Variants in ALKBH3 observed in about 807,000 individuals in gnomAD.
The protein encoded by ALKBH3 is alkB homolog 3, alpha-ketoglutarate dependent dioxygenase.
In ALKBH3, 51 loss-of-function variants were observed where a neutral mutation model predicts 43.9. That is an observed-to-expected ratio of 1.16 (90% CI 0.93 to 1.47). ALKBH3 has a LOEUF of 1.47. ALKBH3 is among the 40% of genes most tolerant of loss of function. The pLI, the probability that ALKBH3 is intolerant of heterozygous loss-of-function variation, is 0.00. For synonymous variants in ALKBH3, 102 were observed against 115.2 expected (o/e 0.89, Z 0.73); for missense variants, 361 against 351.9 (o/e 1.03, Z -0.21).
Position 43,882,610 on chromosome 11 carries a change from C to G in ALKBH3, c.-43C>G. ...ACCATGGAGTAGTTTGAAACAGGAA[C>G]AAAATCTTCTGAAAGCTCGGAGCAG... On this transcript the variant is annotated 5_prime_UTR_variant, in exon 2 of 10. Coordinates refer to ENST00000302708, the MANE Select transcript of ALKBH3 (RefSeq NM_139178.4). 8 of 1,578,342 alleles carry G rather than the reference C, an allele frequency of 5.1e-6. No homozygotes were observed. The highest frequency in any genetic ancestry group is 6.9e-6 in the Non-Finnish European group (8 of 1,163,572).
rs1951758569 is a variant in ALKBH3 at position 43,888,074 on chromosome 11, G to C, written c.266+1421G>C. On this transcript the variant is annotated intron_variant, in intron 5 of 9. Transcript: ENST00000302708. ...GGCCTCCCAAAGTGCTGGGATTACA[G>C]GCATGAGCCACTGCGCCTGGCAGTC... Among the ~76,000 whole-genome samples, 2 of 94,568 alleles carry C rather than the reference G, an allele frequency of 2.1e-5. 1 individual carries two copies. Among genetic ancestry groups the C allele is most frequent in the Non-Finnish European group, 5.3e-5 (2 of 37,452 alleles). 62.0% of individuals were successfully genotyped at this position (94,568 alleles called of 152,430 possible). A position where few individuals can be genotyped will look rare whatever the true frequency, so the allele number is the denominator to read the frequency against.
chr11:43,915,681 G>A (rs1260924933), intron 8 of ALKBH3, among the ~76,000 whole-genome samples: 1 of 152,082 alleles, frequency 6.6e-6, no homozygotes, highest in Admixed American at 6.5e-5. Context: ...TCATACAAAG[G>A]AATATTCTAT....
In ALKBH3 at chr11:43,920,141, T is replaced by A; in HGVS notation, c.*131T>A. On this transcript the variant is annotated 3_prime_UTR_variant, in exon 10 of 10. Coordinates refer to ENST00000302708, the MANE Select transcript of ALKBH3 (RefSeq NM_139178.4). ...AAGATGGTGGGGTTTGTTTGCCAGC[T>A]TGGAGTCCTATTAAATGAAAGCCAG... is the stretch of plus-strand genomic sequence containing the variant. 1.2e-6 allele frequency: 1 copy of A among 802,630 alleles called. No individual in the cohort carries two copies. The highest frequency in any genetic ancestry group is 1.7e-5 in the South Asian group (1 of 59,694). 49.7% of individuals were successfully genotyped at this position (802,630 alleles called of 1,614,324 possible). A position where few individuals can be genotyped will look rare whatever the true frequency, so the allele number is the denominator to read the frequency against.
chr11:43,897,684 T>C, intron 7 of ALKBH3: 2 of 827,028 alleles, frequency 2.4e-6, no homozygotes, highest in South Asian at 2.6e-5. Flanking sequence ...AGGAGTTGAT[T>C]ACGTTTATTT....
At chr11:43,900,422 C>A (rs1359199632) in intron 7 of ALKBH3, among the ~76,000 whole-genome samples, 1 of 151,662 alleles carries the variant, frequency 6.6e-6, no homozygotes, top group African/African-American at 2.4e-5. Context: ...CAGGGTTTCA[C>A]CATATTGGCC....
At chr11:43,907,564 C>G (rs1951904405) in intron 8 of ALKBH3, among the ~76,000 whole-genome samples, 1 of 152,110 alleles carries the variant, frequency 6.6e-6, no homozygotes, top group Non-Finnish European at 1.5e-5. Context: ...GTTTTTCTCC[C>G]CTTGCCATAC....
In ALKBH3 at chr11:43,901,604, A is replaced by G. The variant is rs762082312; in HGVS notation, c.548A>G (p.Asn183Ser). The G allele has an allele frequency of 3.1e-6, 5 of 1,614,140 alleles. No homozygotes were observed. The highest frequency in any genetic ancestry group is 2.7e-5 in the African/African-American group (2 of 74,952). ...TCCTTACTCTGCAATCTTTATCGCA[A>G]TGAGAAGGACAGCGTGGACTGGCAC... ...FNSLLCNLYR[N>S]EKDSVDWHSD... Residue 183 changes from asparagine to serine, a missense_variant, in exon 8 of 10, where the codon AAT (asparagine) becomes AGT (serine). By Grantham distance (46) the Asn-to-Ser change is conservative. Transcript: ENST00000302708.
At chr11:43,918,356 G>A (rs1398416188) in intron 8 of ALKBH3, among the ~76,000 whole-genome samples, 5 of 152,232 alleles carry the variant, frequency 3.3e-5, no homozygotes, top group African/African-American at 1.2e-4. Context: ...TAAGTGTACA[G>A]GAGTCGTGAT....
chr11:43,886,587 G>C lies in ALKBH3; in HGVS notation c.219-19G>C, dbSNP rs1425122096. 1 of 1,613,838 alleles carries C rather than the reference G, an allele frequency of 6.2e-7. No homozygotes were observed. The highest frequency in any genetic ancestry group is 8.5e-7 in the Non-Finnish European group (1 of 1,179,786). On this transcript the variant is annotated intron_variant, in intron 4 of 9. Transcript: ENST00000302708. Reference sequence around the variant, plus strand: ...TGTTTTGCCTCAAACTAACAAGTCTGTTTCCTTTGTTTCTTTAGCAGAGAG... The same window carrying C: ...TGTTTTGCCTCAAACTAACAAGTCTCTTTCCTTTGTTTCTTTAGCAGAGAG...
intron 8 of ALKBH3, among the ~76,000 whole-genome samples, chr11:43,905,818 A>T (rs1485495331): frequency 6.6e-6 from 1 of 152,224 alleles, no homozygotes; most frequent in African/African-American, 2.4e-5. Flanking sequence ...GTTTGCAAAG[A>T]TTAGTCTGGT....
intron 7 of ALKBH3, chr11:43,899,201 A>G: frequency 2.6e-6 from 2 of 770,590 alleles, no homozygotes; most frequent in Middle Eastern, 4.7e-4. Flanking sequence ...TGTGCAGCTC[A>G]TAGACAAAGT....
At chr11:43,885,300 C>G (rs745942371) in intron 4 of ALKBH3, among the ~76,000 whole-genome samples, 23 of 152,062 alleles carry the variant, frequency 1.5e-4, no homozygotes, top group Non-Finnish European at 2.6e-4. Context: ...TTAAAGTGAG[C>G]CATTTCTGAA....
chr11:43,898,187 C>G, intron 7 of ALKBH3: 1 of 1,216,452 alleles, frequency 8.2e-7, no homozygotes, highest in Admixed American at 1.7e-5. Context: ...GATTTGACTC[C>G]GCTGCAGGAG....
At chr11:43,916,060 A>G (rs1951981279) in intron 8 of ALKBH3, among the ~76,000 whole-genome samples, 1 of 152,242 alleles carries the variant, frequency 6.6e-6, no homozygotes, top group African/African-American at 2.4e-5. Context: ...TAAAGCATTG[A>G]TGATTGTTTG....
At chr11:43,893,437 G>A (rs149145789) in intron 7 of ALKBH3, among the ~76,000 whole-genome samples, 33 of 152,286 alleles carry the variant, frequency 2.2e-4, no homozygotes, top group African/African-American at 7.9e-4. Context: ...CTTATTGTCC[G>A]ACATTTTGGG....
Position 43,889,792 on chromosome 11 carries a change from G to A in ALKBH3, c.334G>A (p.Asp112Asn). The A allele has an allele frequency of 6.2e-7, 1 of 1,614,016 alleles. No homozygotes were observed. The highest frequency in any genetic ancestry group is 1.1e-5 in the South Asian group (1 of 91,078). ...ADWILEQLCQ[D>N]VPWKQRTGIR... ...CTGGATATTGGAACAGCTTTGTCAA[G>A]ATGTTCCCTGGAAACAGAGGACTGG... The change falls in exon 6 of 10, where the codon GAT becomes AAT. Residue 112 changes from aspartate to asparagine, a missense_variant. Transcript: ENST00000302708.
chr11:43,890,591 C>T (rs1480984109), intron 6 of ALKBH3, among the ~76,000 whole-genome samples: 2 of 152,128 alleles, frequency 1.3e-5, no homozygotes, highest in Non-Finnish European at 2.9e-5. Flanking sequence ...AGTGGCTGGG[C>T]GTGGTGGCTT....
intron 7 of ALKBH3, chr11:43,899,049 A>C (rs1951841163): frequency 2.7e-6 from 2 of 749,328 alleles, no homozygotes. Context: ...TCTCATTCAG[A>C]TTGTGGATGC....
chr11:43,882,820 C>T, intron 2 of ALKBH3, 89 bp downstream of exon 2: 1 of 1,330,444 alleles, frequency 7.5e-7, no homozygotes, highest in Non-Finnish European at 1.0e-6. Flanking sequence ...TAATGGACTT[C>T]CATTTCAATT....
Sources: gnomAD v4.1 joint callset for allele counts (sites outside exome capture counted in the v4.1 genomes callset) on GRCh38, gnomAD v4.1.1 for gene constraint, MANE v1.5 for transcripts, NCBI Gene and HGNC (gene_info 2026-07-23, HGNC 2026-07-21) for gene names.